ATG7: variants seen among roughly 807,000 people sequenced by gnomAD.
The protein encoded by ATG7 is ubiquitin-like modifier-activating enzyme ATG7.
ATG7 carries 70 observed loss-of-function variants against 82.4 expected under a neutral mutation model. The ratio of observed to expected loss-of-function variants is 0.85; its 90% CI spans 0.70 to 1.04. The LOEUF (loss-of-function observed/expected upper bound fraction) is 1.04, where lower values mean the gene tolerates loss of function less well. ATG7 is among the 50% of genes least tolerant of loss of function. The pLI, the probability that ATG7 is intolerant of heterozygous loss-of-function variation, is 0.00. For missense variants in ATG7, 792 were observed against 864.3 expected (o/e 0.92, Z 1.05); for synonymous variants, 287 against 313.0 (o/e 0.92, Z 0.88).
intron 20 of ATG7, among the ~76,000 whole-genome samples, chr3:11,450,658 C>T (rs2085026649): frequency 6.6e-6 from 1 of 152,192 alleles, no homozygotes; most frequent in Non-Finnish European, 1.5e-5. Context: ...TCTGAGGGAC[C>T]ATCTTGCCAA....
chr3:11,276,883 G>A (rs1461706700), intron 1 of ATG7, among the ~76,000 whole-genome samples: 1 of 152,110 alleles, frequency 6.6e-6, no homozygotes, highest in African/African-American at 2.4e-5. Context: ...TCTCTCCTGA[G>A]TGCTACCCTC....
At position 11,350,001 on chromosome 3, in the gene ATG7, G is replaced by C. The variant is rs556173817; in HGVS notation, c.1284+1966G>C. On this transcript the variant is annotated intron_variant, in intron 14 of 20. Transcript: ENST00000693202. Reference sequence around the variant, plus strand: ...AAAACTTAATCATTTTATCTGACAGGAGTTAGATTAGGTGTCTCCAGAGCA... The same window carrying C: ...AAAACTTAATCATTTTATCTGACAGCAGTTAGATTAGGTGTCTCCAGAGCA... Among the ~76,000 whole-genome samples, 8 of 152,214 alleles carry C rather than the reference G, an allele frequency of 5.3e-5. No homozygotes were observed. In the East Asian group the frequency reaches 1.5e-3, roughly 29 times the overall value.
chr3:11,516,058 A>G (rs1047204547), intron 20 of ATG7, among the ~76,000 whole-genome samples: 8 of 151,790 alleles, frequency 5.3e-5, no homozygotes, highest in African/African-American at 1.9e-4. Context: ...AAAAAAACAT[A>G]GGACATAGTT....
At chr3:11,302,505 G>A (rs949822151) in intron 5 of ATG7, among the ~76,000 whole-genome samples, 2 of 152,214 alleles carry the variant, frequency 1.3e-5, no homozygotes, top group Admixed American at 6.5e-5. Context: ...GTGCAGATGT[G>A]TGTGTGTTAG....
chr3:11,390,771 C>T (rs536795633), intron 19 of ATG7, among the ~76,000 whole-genome samples: 3 of 152,134 alleles, frequency 2.0e-5, no homozygotes, highest in South Asian at 2.1e-4. Flanking sequence ...AGTTAAAGTA[C>T]TGCAAGGCTT....
At chr3:11,492,818 A>C (rs1366371816) in intron 20 of ATG7, among the ~76,000 whole-genome samples, 1 of 152,224 alleles carries the variant, frequency 6.6e-6, no homozygotes, top group African/African-American at 2.4e-5. Context: ...GCAGGAACTG[A>C]CTGGCCACTT....
At chr3:11,487,124 C>T (rs1487568317) in intron 20 of ATG7, among the ~76,000 whole-genome samples, 3 of 147,538 alleles carry the variant, frequency 2.0e-5, no homozygotes, top group African/African-American at 7.7e-5. Flanking sequence ...GGGCACAGCA[C>T]ATGTTTCAGA....
At chr3:11,482,067 C>T (rs1401968502) in intron 20 of ATG7, among the ~76,000 whole-genome samples, 1 of 152,190 alleles carries the variant, frequency 6.6e-6, no homozygotes, top group South Asian at 2.1e-4. Context: ...AGCTCATGAG[C>T]GGTCCTAAGA....
At chr3:11,564,712 C>T in the ATG7 span, 3 of 1,470,140 alleles carry the variant, frequency 2.0e-6, no homozygotes, top group East Asian at 2.5e-5. Context: ...CCACCGCCCT[C>T]GGAGTCCTCT....
chr3:11,298,354 G>A (rs1451985001), intron 3 of ATG7, among the ~76,000 whole-genome samples: 1 of 152,138 alleles, frequency 6.6e-6, no homozygotes, highest in Non-Finnish European at 1.5e-5. Flanking sequence ...TAGAATGGTG[G>A]GTGCAAGGTC....
intron 20 of ATG7, among the ~76,000 whole-genome samples, chr3:11,535,790 T>G (rs183390624): frequency 2.0e-5 from 3 of 152,320 alleles, no homozygotes; most frequent in East Asian, 1.9e-4. Context: ...AAGAGCCCTC[T>G]GGGGCATTTC....
chr3:11,435,286 A>G (rs1559618429), intron 20 of ATG7, among the ~76,000 whole-genome samples: 1 of 152,128 alleles, frequency 6.6e-6, no homozygotes. Context: ...GATGTGTGTC[A>G]CTGTACGTAT....
At chr3:11,302,976 C>T (rs1208827842) in intron 5 of ATG7, among the ~76,000 whole-genome samples, 1 of 152,204 alleles carries the variant, frequency 6.6e-6, no homozygotes, top group African/African-American at 2.4e-5. Flanking sequence ...AATGTAAGGG[C>T]CCAAACACTA....
chr3:11,462,346 C>T (rs940623547), intron 20 of ATG7, among the ~76,000 whole-genome samples: 3 of 152,018 alleles, frequency 2.0e-5, no homozygotes, highest in Admixed American at 6.6e-5. Context: ...CAAAGTTTAT[C>T]GTGGTCACAA....
In ATG7 at chr3:11,283,965, TC is replaced by T. The variant is rs531411597; in HGVS notation, c.-11+1529del. ...ACAAACCAAAAAAACTCCCCTGCTC[TC>T]CTAAAGCAAACAGACAAAAAACTAA... On this transcript the variant is annotated intron_variant, in intron 3 of 20. Transcript: ENST00000693202. 1.2e-4 allele frequency among the ~76,000 whole-genome samples: 19 copies of T among 152,124 alleles called. No individual in the cohort carries two copies. The South Asian group carries it at 3.5e-3, about 28-fold the overall frequency.
chr3:11,379,953 T>C lies in ATG7; in HGVS notation c.1876-19T>C, dbSNP rs1350903146. 1.9e-6 allele frequency: 3 copies of C among 1,612,030 alleles called. No homozygotes were observed. The highest frequency in any genetic ancestry group is 1.7e-5 in the Admixed American group (1 of 60,000). On this transcript the variant is annotated intron_variant, in intron 18 of 20. Transcript: ENST00000693202. ...CGTTGTGTGTTTGATGTGAATTGTTTTGTTTTGTTTGTTTTTAGATCCGGG... is the reference window on the plus strand; with the variant it reads ...CGTTGTGTGTTTGATGTGAATTGTTCTGTTTTGTTTGTTTTTAGATCCGGG...
At position 11,554,981 on chromosome 3, in the gene ATG7, G is replaced by C. The variant is rs982311016; in HGVS notation, c.*138G>C. 8.8e-7 allele frequency: 1 copy of C among 1,135,964 alleles called. No homozygotes were observed. Among genetic ancestry groups the C allele is most frequent in the Non-Finnish European group, 1.2e-6 (1 of 816,962 alleles). 70.4% of individuals were successfully genotyped at this position (1,135,964 alleles called of 1,614,324 possible). A position where few individuals can be genotyped will look rare whatever the true frequency, so the allele number is the denominator to read the frequency against. ...CCCGAGGTCTGGGATTCCCCCCTCTGCTGCCCAGGAGTGGCCAGTGTTCGG... is the reference window on the plus strand; with the variant it reads ...CCCGAGGTCTGGGATTCCCCCCTCTCCTGCCCAGGAGTGGCCAGTGTTCGG... On this transcript the variant is annotated 3_prime_UTR_variant, in exon 21 of 21. Transcript: ENST00000693202.
rs191325853 is a variant in ATG7 at position 11,523,758 on chromosome 3, A to T, written c.2080-31053A>T. On this transcript the variant is annotated intron_variant, in intron 20 of 20. Transcript: ENST00000693202. ...TGTTAGAATAATTATACCACACTTG[A>T]TCTCTGATTACGGCCAAAACAGCAG... Among the ~76,000 whole-genome samples, 21 of 152,360 alleles carry T rather than the reference A, an allele frequency of 1.4e-4. No individual in the cohort carries two copies. In the East Asian group the frequency reaches 3.9e-3, roughly 28 times the overall value.
chr3:11,491,570 T>C (rs1380165769), intron 20 of ATG7, among the ~76,000 whole-genome samples: 1 of 152,194 alleles, frequency 6.6e-6, no homozygotes, highest in Non-Finnish European at 1.5e-5. Flanking sequence ...GTTTCCAGTT[T>C]TTCTGCTCTG....
Sources: gnomAD v4.1 joint callset for allele counts (sites outside exome capture counted in the v4.1 genomes callset) on GRCh38, gnomAD v4.1.1 for gene constraint, MANE v1.5 for transcripts, NCBI Gene and HGNC (gene_info 2026-07-23, HGNC 2026-07-21) for gene names.